The following THSD7A variants were observed in gnomAD, a reference collection of about 807,000 sequenced individuals.
THSD7A encodes the protein thrombospondin type 1 domain containing 7A, also known as thrombospondin type-1 domain-containing protein 7A.
In THSD7A, 96 loss-of-function variants were observed where a neutral mutation model predicts 231.3. That is an observed-to-expected ratio of 0.41 (90% CI 0.35 to 0.49). The LOEUF (loss-of-function observed/expected upper bound fraction) is 0.49, where lower values mean the gene tolerates loss of function less well. Ranked by LOEUF, THSD7A falls within the 20% of genes least tolerant of loss-of-function variation. The probability of loss-of-function intolerance (pLI) is 0.05; values close to 1 mark genes in which losing one functional copy is unlikely to be tolerated. For synonymous variants in THSD7A, 940 were observed against 743.3 expected (o/e 1.26, Z -4.30); for missense variants, 2,290 against 2,070.2 (o/e 1.11, Z -2.06).
At chr7:11,736,675 C>A (rs1781926279) in intron 1 of THSD7A, among the ~76,000 whole-genome samples, 1 of 151,944 alleles carries the variant, frequency 6.6e-6, no homozygotes, top group Middle Eastern at 3.2e-3. Flanking sequence ...AAGGGCTAAG[C>A]ATACCCTTGT....
Position 11,382,494 on chromosome 7 carries a change from A to G in THSD7A, c.4507+27T>C, listed in dbSNP as rs772173210. On this transcript the variant is annotated intron_variant, in intron 24 of 27. Coordinates refer to ENST00000423059, the MANE Select transcript of THSD7A (RefSeq NM_015204.3). ...CATGTGTGTTACAGGAAGATTTTCA[A>G]AGGACAAAGAGAAACTGGAGGTTTA... 3.2e-6 allele frequency: 5 copies of G among 1,568,262 alleles called. No homozygotes were observed. The African/African-American group carries it at 6.8e-5, about 21-fold the overall frequency.
At chr7:11,457,165 T>C (rs1785335228) in intron 11 of THSD7A, among the ~76,000 whole-genome samples, 2 of 152,034 alleles carry the variant, frequency 1.3e-5, no homozygotes, top group African/African-American at 2.4e-5. Context: ...TATGGAAATG[T>C]TACCCAAATT....
intron 19 of THSD7A, among the ~76,000 whole-genome samples, chr7:11,408,268 G>A (rs951859559): frequency 2.0e-5 from 3 of 152,078 alleles, no homozygotes; most frequent in African/African-American, 7.2e-5. Context: ...CAGCACTTTG[G>A]GAGACCGAGG....
At chr7:11,647,423 A>G (rs939332487) in intron 1 of THSD7A, among the ~76,000 whole-genome samples, 3 of 151,956 alleles carry the variant, frequency 2.0e-5, no homozygotes, top group Non-Finnish European at 4.4e-5. Flanking sequence ...GGCTTGGCTC[A>G]TCCTGGAAAA....
rs1459343837 is a variant in THSD7A, at chr7:11,695,226, C to A, written c.191-58265G>T. ...ACCATAATACACTTTAACTAAAGGA[C>A]AGTATTGGCAAAAACATAGTATACC... is the stretch of plus-strand genomic sequence containing the variant. On this transcript the variant is annotated intron_variant, in intron 1 of 27. Transcript: ENST00000423059. Among the ~76,000 whole-genome samples the A allele has an allele frequency of 1.3e-5, 2 of 151,406 alleles. 1 individual carries two copies. The highest frequency in any genetic ancestry group is 1.3e-4 in the Admixed American group (2 of 15,144).
chr7:11,508,296 C>T (rs899040931), intron 6 of THSD7A, among the ~76,000 whole-genome samples: 4 of 152,122 alleles, frequency 2.6e-5, no homozygotes, highest in South Asian at 2.1e-4. Flanking sequence ...AGAAATACAG[C>T]GAGCCAACAA....
At position 11,711,507 on chromosome 7, in the gene THSD7A, T is replaced by C. The variant is rs181099874; in HGVS notation, c.191-74546A>G. On this transcript the variant is annotated intron_variant, in intron 1 of 27. Coordinates refer to ENST00000423059, the MANE Select transcript of THSD7A (RefSeq NM_015204.3). The stretch of plus-strand genomic sequence containing the variant: ...TTTTCTTTATGTATAAATCCACACT[T>C]GCAATTTTATGTATTTAACATCCTC... Among the ~76,000 whole-genome samples, 54 of 151,204 alleles carry C rather than the reference T, an allele frequency of 3.6e-4. No individual in the cohort carries two copies. In the East Asian group the frequency reaches 9.8e-3, roughly 27 times the overall value.
At chr7:11,676,833 G>A (rs1783657743) in intron 1 of THSD7A, among the ~76,000 whole-genome samples, 1 of 152,116 alleles carries the variant, frequency 6.6e-6, no homozygotes, top group Non-Finnish European at 1.5e-5. Context: ...GAACCAAGTT[G>A]GAAAACACAC....
chr7:11,426,322 T>G (rs1381333949), intron 15 of THSD7A, among the ~76,000 whole-genome samples: 1 of 152,162 alleles, frequency 6.6e-6, no homozygotes, highest in Non-Finnish European at 1.5e-5. Flanking sequence ...CCACCCATTT[T>G]CAGTCCACTT....
intron 2 of THSD7A, among the ~76,000 whole-genome samples, chr7:11,629,621 G>T (rs1408762272): frequency 5.3e-5 from 8 of 152,152 alleles, no homozygotes; most frequent in African/African-American, 1.9e-4. Context: ...CAAAGTCGTA[G>T]CGTGGGGATG....
intron 7 of THSD7A, among the ~76,000 whole-genome samples, chr7:11,475,759 C>T (rs1264119413): frequency 1.3e-5 from 2 of 150,690 alleles, no homozygotes; most frequent in Admixed American, 6.6e-5. Context: ...ATATTCTTCT[C>T]AATGTTTTGC....
chr7:11,719,816 C>G (rs2128152455), intron 1 of THSD7A, among the ~76,000 whole-genome samples: 1 of 151,882 alleles, frequency 6.6e-6, no homozygotes, highest in East Asian at 2.0e-4. Flanking sequence ...GAGGCCATAT[C>G]TGTTAAGTCT....
intron 9 of THSD7A, among the ~76,000 whole-genome samples, chr7:11,466,328 C>G (rs1785703169): frequency 1.3e-5 from 2 of 152,106 alleles, no homozygotes; most frequent in Admixed American, 6.6e-5. Flanking sequence ...CAAAATGATA[C>G]TTGGGTTATT....
chr7:11,636,904 G>A lies in THSD7A; in HGVS notation c.248C>T (p.Ala83Val). 6.2e-7 allele frequency: 1 copy of A among 1,613,522 alleles called. No individual in the cohort carries two copies. Among genetic ancestry groups the A allele is most frequent in the Non-Finnish European group, 8.5e-7 (1 of 1,179,864 alleles). ...ECGPGGIQTR[A>V]VWCAHVEGWT... is the part of the protein sequence containing the mutation. ...TCCCTCCACATGAGCACACCACACA[G>A]CCCTCGTTTGGATGCCTCCGGGACC... The change falls in exon 2 of 28, where the codon GCT (alanine) becomes GTT (valine). Residue 83 changes from alanine (A) to valine (V), a missense_variant. Transcript: ENST00000423059. The surrounding 1 kb of genome is among the most constrained non-coding windows in gnomAD (Gnocchi z 10.0).
At chr7:11,694,782 G>A (rs1476230292) in intron 1 of THSD7A, among the ~76,000 whole-genome samples, 1 of 151,496 alleles carries the variant, frequency 6.6e-6, no homozygotes, top group Non-Finnish European at 1.5e-5. Flanking sequence ...TAACCTAAAT[G>A]TAATAGCATA....
At chr7:11,428,398 A>G (rs150551109) in intron 14 of THSD7A, among the ~76,000 whole-genome samples, 66 of 152,318 alleles carry the variant, frequency 4.3e-4, no homozygotes, top group African/African-American at 1.5e-3. Flanking sequence ...CAGAGTTCCA[A>G]ATAAAATTGA....
chr7:11,765,078 C>CA (rs147576779), intron 1 of THSD7A, among the ~76,000 whole-genome samples: 7,600 of 151,420 alleles, frequency 0.05, 215 homozygotes, highest in East Asian at 0.14. Context: ...AGTGATAATT[C>CA]AAAAAATCTA....
intron 9 of THSD7A, among the ~76,000 whole-genome samples, chr7:11,468,666 T>C (rs1441231615): frequency 6.6e-6 from 1 of 152,018 alleles, no homozygotes; most frequent in Non-Finnish European, 1.5e-5. Context: ...CAAACCCATC[T>C]CTACTAAAAA....
intron 26 of THSD7A, 23 bp downstream of exon 26, chr7:11,379,047 C>G (rs762226696): frequency 1.9e-6 from 3 of 1,610,462 alleles, no homozygotes; most frequent in Non-Finnish European, 2.5e-6. Flanking sequence ...GTTTCTCTTT[C>G]AACACTAGTC....
Sources: allele counts gnomAD v4.1 joint callset (sites outside exome capture counted in the v4.1 genomes callset), GRCh38; gene constraint gnomAD v4.1.1; non-coding constraint Gnocchi (gnomAD v3.1); transcripts MANE v1.5; gene names NCBI Gene and HGNC (gene_info 2026-07-23, HGNC 2026-07-21).